The following DAB2IP variants were observed in gnomAD, a reference collection of about 807,000 sequenced individuals.
DAB2IP encodes DAB2 interacting protein, also known as disabled homolog 2-interacting protein.
A neutral mutation model predicts 107.2 loss-of-function variants in DAB2IP; 28 were observed. The ratio of observed to expected loss-of-function variants is 0.26; its 90% CI spans 0.19 to 0.36. The LOEUF (loss-of-function observed/expected upper bound fraction) is 0.36. Among genes scored for constraint, DAB2IP ranks in the 10% least tolerant of loss-of-function variants. DAB2IP has a pLI of 1.00. For synonymous variants in DAB2IP, 755 were observed against 706.4 expected (o/e 1.07, Z -1.09); for missense variants, 1,400 against 1,644.7 (o/e 0.85, Z 2.57).
chr9:121,758,213 G>A (rs896575419), intron 4 of DAB2IP, among the ~76,000 whole-genome samples: 1 of 152,170 alleles, frequency 6.6e-6, no homozygotes, highest in Non-Finnish European at 1.5e-5. Context: ...CACACAGCAG[G>A]AATTGCCCGG....
At chr9:121,636,930 T>C (rs1157273022) in intron 1 of DAB2IP, among the ~76,000 whole-genome samples, 1 of 152,170 alleles carries the variant, frequency 6.6e-6, no homozygotes, top group East Asian at 1.9e-4. Context: ...TTAGGGAACT[T>C]GCCCTAGGTC....
intron 3 of DAB2IP, among the ~76,000 whole-genome samples, chr9:121,726,802 A>G (rs1564182317): frequency 6.6e-6 from 1 of 152,204 alleles, no homozygotes; most frequent in Admixed American, 6.5e-5. Context: ...TGTCTGGGAC[A>G]GGGAGGAAGA....
Position 121,699,464 on chromosome 9 carries a change from C to CCCGCCG in DAB2IP, c.362+15_362+20dup. The CCCGCCG allele has an allele frequency of 1.5e-6, 2 of 1,344,876 alleles. No individual in the cohort carries two copies. Among genetic ancestry groups the CCCGCCG allele is most frequent in the Non-Finnish European group, 1.9e-6 (2 of 1,036,732 alleles). 83.3% of individuals were successfully genotyped at this position (1,344,876 alleles called of 1,614,324 possible). A position where few individuals can be genotyped will look rare whatever the true frequency, so the allele number is the denominator to read the frequency against. On this transcript the variant is annotated splice_region_variant and intron_variant, in intron 3 of 15. Transcript: ENST00000408936. The surrounding 1 kb of genome is among the most constrained non-coding windows in gnomAD (Gnocchi z 6.2). ...GCCGCCGCGGACAATGAGAGGTGAG[C>CCCGCCG]CCGCCGCCGCCGCCCGGTCCCCCGC...
intron 3 of DAB2IP, among the ~76,000 whole-genome samples, chr9:121,739,668 G>A (rs190328227): frequency 9.2e-5 from 14 of 152,302 alleles, no homozygotes; most frequent in Admixed American, 5.9e-4. Context: ...GAGGCTCCAC[G>A]CTGGACATTT....
intron 3 of DAB2IP, among the ~76,000 whole-genome samples, chr9:121,718,521 C>G (rs533010005): frequency 6.6e-6 from 1 of 152,182 alleles, no homozygotes; most frequent in Non-Finnish European, 1.5e-5. Context: ...ACCCACTCCC[C>G]TGAGCCACCA....
chr9:121,623,781 G>T (rs1034126759), intron 1 of DAB2IP, among the ~76,000 whole-genome samples: 1 of 152,146 alleles, frequency 6.6e-6, no homozygotes, highest in African/African-American at 2.4e-5. Flanking sequence ...TCCGCCTCCT[G>T]GGTCCAAGTG....
chr9:121,679,818 T>C (rs1410069026), intron 2 of DAB2IP, among the ~76,000 whole-genome samples: 2 of 151,876 alleles, frequency 1.3e-5, no homozygotes, highest in African/African-American at 4.8e-5. Flanking sequence ...TTGAGCTGCA[T>C]CTTGAAGGGT....
intron 1 of DAB2IP, among the ~76,000 whole-genome samples, chr9:121,579,356 C>T (rs1026851836): frequency 2.0e-5 from 3 of 152,128 alleles, no homozygotes; most frequent in African/African-American, 7.2e-5. Context: ...ACAGTCTCCT[C>T]TCCTGGGTTT....
chr9:121,603,034 G>A (rs1057321723), intron 1 of DAB2IP, among the ~76,000 whole-genome samples: 7 of 152,228 alleles, frequency 4.6e-5, no homozygotes, highest in African/African-American at 1.7e-4. Context: ...ACCCAGAGTG[G>A]TGAGGACCCT....
At chr9:121,667,051 C>T (rs1252160514) in intron 1 of DAB2IP, among the ~76,000 whole-genome samples, 1 of 152,204 alleles carries the variant, frequency 6.6e-6, no homozygotes, top group African/African-American at 2.4e-5. Context: ...TGCTCTGTCA[C>T]CCAGGCTGGA....
In DAB2IP at chr9:121,634,271, A is replaced by G. The variant is rs577368337; in HGVS notation, c.41-44407A>G. On this transcript the variant is annotated intron_variant, in intron 1 of 16. Coordinates refer to the DAB2IP transcript ENST00000259371. The surrounding 1 kb of genome is among the most constrained non-coding windows in gnomAD (Gnocchi z 4.7). ...CATGGGAATCCTGTGCTTTTAAGAC[A>G]GGAGTAGGGCCAGAAAGAGGAGAGA... is the stretch of plus-strand genomic sequence containing the variant. Among the ~76,000 whole-genome samples, 10 of 152,312 alleles carry G rather than the reference A, an allele frequency of 6.6e-5. No homozygotes were observed. Among genetic ancestry groups the G allele is most frequent in the Admixed American group, 2.6e-4 (4 of 15,304 alleles).
At chr9:121,723,089 G>A (rs915623815) in intron 3 of DAB2IP, among the ~76,000 whole-genome samples, 12 of 152,204 alleles carry the variant, frequency 7.9e-5, no homozygotes, top group Non-Finnish European at 1.6e-4. Context: ...ATGGCCCAGA[G>A]CCCTCTCTCC....
At chr9:121,761,705 C>T (rs1331592561) in intron 6 of DAB2IP, among the ~76,000 whole-genome samples, 1 of 152,194 alleles carries the variant, frequency 6.6e-6, no homozygotes, top group Non-Finnish European at 1.5e-5. Context: ...CTCACCTTCT[C>T]CCCCAGCCTT....
chr9:121,660,366 C>T (rs1474911634), intron 1 of DAB2IP, among the ~76,000 whole-genome samples: 1 of 152,198 alleles, frequency 6.6e-6, no homozygotes, highest in Non-Finnish European at 1.5e-5. Context: ...ATGTTTAACC[C>T]TCACTATACT....
intron 1 of DAB2IP, among the ~76,000 whole-genome samples, chr9:121,652,320 G>A (rs1832777236): frequency 6.6e-6 from 1 of 152,174 alleles, no homozygotes; most frequent in Admixed American, 6.5e-5. Context: ...CACCTCTTGG[G>A]TGCTAGGACA....
Position 121,766,855 on chromosome 9 carries a change from A to T in DAB2IP, c.1697+125A>T. 4 of 929,652 alleles carry T rather than the reference A, an allele frequency of 4.3e-6. No homozygotes were observed. The South Asian group carries it at 6.2e-5, about 14-fold the overall frequency. 57.6% of individuals were successfully genotyped at this position (929,652 alleles called of 1,614,324 possible). Reference sequence around the variant, plus strand: ...AACAGGCCCTGGTTTTGTCCCTGTCATCCTCAGTCCTTCTCCTTCCCGCTT... The same window carrying T: ...AACAGGCCCTGGTTTTGTCCCTGTCTTCCTCAGTCCTTCTCCTTCCCGCTT... On this transcript the variant is annotated intron_variant, in intron 9 of 15. Coordinates refer to ENST00000408936, the Ensembl canonical transcript of DAB2IP.
At chr9:121,765,830 G>C (rs1834240031) in intron 8 of DAB2IP, among the ~76,000 whole-genome samples, 1 of 152,226 alleles carries the variant, frequency 6.6e-6, no homozygotes, top group African/African-American at 2.4e-5. Flanking sequence ...TCTAGGGCCA[G>C]CTCTGCCGGC....
chr9:121,712,884 G>A (rs1200184368), intron 3 of DAB2IP, among the ~76,000 whole-genome samples: 3 of 152,340 alleles, frequency 2.0e-5, no homozygotes, highest in African/African-American at 4.8e-5. Context: ...ATGTGCCAGC[G>A]TGTGTCTGAG....
chr9:121,603,189 A>C (rs914430507), intron 1 of DAB2IP, among the ~76,000 whole-genome samples: 1 of 150,500 alleles, frequency 6.6e-6, no homozygotes, highest in Non-Finnish European at 1.5e-5. Flanking sequence ...GCGTCTATCT[A>C]TGTTTTCAAT....
Sources: allele counts gnomAD v4.1 joint callset (sites outside exome capture counted in the v4.1 genomes callset), GRCh38; gene constraint gnomAD v4.1.1; non-coding constraint Gnocchi (gnomAD v3.1); transcripts MANE v1.5; gene names NCBI Gene and HGNC (gene_info 2026-07-23, HGNC 2026-07-21).